The following SETBP1 variants were observed in gnomAD, a reference collection of about 807,000 sequenced individuals.
The protein encoded by SETBP1 is SET-binding protein.
A neutral mutation model predicts 101.0 loss-of-function variants in SETBP1; 9 were observed. That is an observed-to-expected ratio of 0.09 (90% CI 0.05 to 0.16). SETBP1 has a LOEUF of 0.16. SETBP1 is among the 10% of genes least tolerant of loss of function. The pLI is 1.00. For missense variants in SETBP1, 1,858 were observed against 2,033.8 expected (o/e 0.91, Z 1.66); for synonymous variants, 818 against 788.5 (o/e 1.04, Z -0.63).
At chr18:44,985,997 T>C (rs1381488381) in intron 4 of SETBP1, 4 of 152,238 alleles carry the variant, frequency 2.6e-5, no homozygotes, top group African/African-American at 7.2e-5. Context: ...TAGAAAAATA[T>C]ACATTATGGC....
chr18:44,912,603 G>A (rs530125886), intron 3 of SETBP1, among the ~76,000 whole-genome samples: 2 of 152,088 alleles, frequency 1.3e-5, no homozygotes, highest in African/African-American at 4.8e-5. Context: ...ATTTTTAGTA[G>A]AGAAGGGGTT....
intron 2 of SETBP1, among the ~76,000 whole-genome samples, chr18:44,785,576 G>A (rs2071223416): frequency 6.6e-6 from 1 of 152,178 alleles, no homozygotes; most frequent in Admixed American, 6.5e-5. Context: ...TGGTGAAGAG[G>A]AGTATGTTTA....
In SETBP1 at chr18:44,873,005, A is replaced by G. The variant is rs188849873; in HGVS notation, c.540+3722A>G. On this transcript the variant is annotated intron_variant, in intron 3 of 5. Transcript: ENST00000649279. The stretch of plus-strand genomic sequence containing the variant: ...TGTGGGGCAAGTGTAATGGCCACCT[A>G]TGAAGGGTGGCTGTTTTTAATGAGT... 2.3e-3 allele frequency among the ~76,000 whole-genome samples: 351 copies of G among 152,336 alleles called. 5 individuals are homozygous for G. The highest frequency in any genetic ancestry group is 6.8e-3 in the Middle Eastern group (2 of 294).
chr18:44,710,368 T>A (rs1237228559), intron 2 of SETBP1, among the ~76,000 whole-genome samples: 1 of 151,618 alleles, frequency 6.6e-6, no homozygotes, highest in African/African-American at 2.4e-5. Flanking sequence ...GGTCTCAGAG[T>A]CTGAGGCCTT....
chr18:44,912,524 C>G (rs1343793399), intron 3 of SETBP1, among the ~76,000 whole-genome samples: 1 of 151,944 alleles, frequency 6.6e-6, no homozygotes, highest in Non-Finnish European at 1.5e-5. Flanking sequence ...GAGACAGAGT[C>G]TGGCTGCCTC....
intron 2 of SETBP1, among the ~76,000 whole-genome samples, chr18:44,761,530 C>T (rs1599089482): frequency 6.6e-6 from 1 of 152,226 alleles, no homozygotes; most frequent in Non-Finnish European, 1.5e-5. Flanking sequence ...ACAGCTAGAT[C>T]AGTCCATGTT....
chr18:45,017,966 T>A (rs1263091369), intron 4 of SETBP1, among the ~76,000 whole-genome samples: 1 of 152,132 alleles, frequency 6.6e-6, no homozygotes, highest in Non-Finnish European at 1.5e-5. Flanking sequence ...GGTGCAGAGG[T>A]CTGAGTTGGG....
At chr18:44,768,782 T>C (rs1372992269) in intron 2 of SETBP1, among the ~76,000 whole-genome samples, 1 of 152,238 alleles carries the variant, frequency 6.6e-6, no homozygotes, top group Admixed American at 6.5e-5. Flanking sequence ...GACTTTGTTA[T>C]TTTGACAGTT....
intron 2 of SETBP1, among the ~76,000 whole-genome samples, chr18:44,817,280 T>A (rs1328249029): frequency 6.6e-6 from 1 of 152,144 alleles, no homozygotes; most frequent in Non-Finnish European, 1.5e-5. Context: ...CAGCCCAAAC[T>A]GGGCGAGTGA....
chr18:44,733,611 G>C (rs1009908757), intron 2 of SETBP1, among the ~76,000 whole-genome samples: 1 of 152,196 alleles, frequency 6.6e-6, no homozygotes, highest in Admixed American at 6.5e-5. Context: ...GGGTCAGGCT[G>C]TGAATAAACC....
intron 2 of SETBP1, among the ~76,000 whole-genome samples, chr18:44,713,492 T>A (rs1278778700): frequency 6.6e-6 from 1 of 152,180 alleles, no homozygotes; most frequent in African/African-American, 2.4e-5. Flanking sequence ...CCCTGGTTCC[T>A]GTGCTGGGAA....
intron 2 of SETBP1, among the ~76,000 whole-genome samples, chr18:44,810,165 C>A (rs924176212): frequency 1.3e-5 from 2 of 152,204 alleles, no homozygotes; most frequent in Non-Finnish European, 2.9e-5. Flanking sequence ...CATATTCAGT[C>A]TGCTTTATTC....
intron 4 of SETBP1, among the ~76,000 whole-genome samples, chr18:45,029,562 G>C (rs1286132074): frequency 6.6e-6 from 1 of 152,174 alleles, no homozygotes; most frequent in Non-Finnish European, 1.5e-5. Context: ...GTCATTGGTA[G>C]CTTGATGGGG....
chr18:44,934,392 G>A (rs1380592614), intron 3 of SETBP1, among the ~76,000 whole-genome samples: 1 of 152,112 alleles, frequency 6.6e-6, no homozygotes, highest in East Asian at 1.9e-4. Flanking sequence ...CAAGTGATCT[G>A]CCCTCCTCGG....
At chr18:44,920,753 T>G (rs1287910057) in intron 3 of SETBP1, among the ~76,000 whole-genome samples, 1 of 152,120 alleles carries the variant, frequency 6.6e-6, no homozygotes, top group African/African-American at 2.4e-5. Context: ...AGCTACTTAC[T>G]GGGAGTCTAT....
intron 2 of SETBP1, among the ~76,000 whole-genome samples, chr18:44,724,989 T>C (rs2069675230): frequency 6.6e-6 from 1 of 152,202 alleles, no homozygotes; most frequent in South Asian, 2.1e-4. Context: ...TGTGCCCTCC[T>C]TCCTTGCTTC....
Position 44,986,788 on chromosome 18 carries a change from C to G in SETBP1, c.4000+33448C>G, listed in dbSNP as rs187999258. ...AATAACACGTATGGTACTGTCATCT[C>G]CTATAATAACAATGCCTTGCTTATT... On this transcript the variant is annotated intron_variant, in intron 4 of 5. Coordinates refer to ENST00000649279, the MANE Select transcript of SETBP1 (RefSeq NM_015559.3). The G allele has an allele frequency of 2.0e-5, 3 of 152,158 alleles. No homozygotes were observed. In the East Asian group the frequency reaches 5.8e-4, roughly 29 times the overall value. 9.4% of individuals were successfully genotyped at this position (152,158 alleles called of 1,614,324 possible).
At chr18:45,060,277 CTGAA>C (rs1241479028) in intron 5 of SETBP1, among the ~76,000 whole-genome samples, 11 of 152,138 alleles carry the variant, frequency 7.2e-5, no homozygotes, top group African/African-American at 2.7e-4. Context: ...TGCTGGGACA[CTGAA>C]TGTGTACATC....
At chr18:45,029,443 C>T (rs375488134) in intron 4 of SETBP1, among the ~76,000 whole-genome samples, 17 of 152,106 alleles carry the variant, frequency 1.1e-4, no homozygotes, top group South Asian at 4.2e-4. Flanking sequence ...AGTCAGGTAG[C>T]GTGATGCCTC....
Sources: allele counts gnomAD v4.1 joint callset (sites outside exome capture counted in the v4.1 genomes callset), GRCh38; gene constraint gnomAD v4.1.1; transcripts MANE v1.5; gene names NCBI Gene and HGNC (gene_info 2026-07-23, HGNC 2026-07-21).